USP9X: variants seen among roughly 807,000 people sequenced by gnomAD.
The protein encoded by USP9X is ubiquitin specific peptidase 9 X-linked, also known as ubiquitin carboxyl-terminal hydrolase 9X.
A neutral mutation model predicts 190.3 loss-of-function variants in USP9X; 7 were observed. That is an observed-to-expected ratio of 0.04 (90% CI 0.02 to 0.07). The LOEUF is 0.07. Among genes scored for constraint, USP9X ranks in the 10% least tolerant of loss-of-function variants. The probability of loss-of-function intolerance (pLI) is 1.00; values close to 1 mark genes in which losing one functional copy is unlikely to be tolerated. For missense variants in USP9X, 1,010 were observed against 1,916.9 expected (o/e 0.53, Z 8.83); for synonymous variants, 645 against 659.5 (o/e 0.98, Z 0.34).
intron 30 of USP9X, among the ~76,000 whole-genome samples, chrX:41,200,340 A>G (rs776095206): frequency 1.7e-4 from 19 of 111,587 alleles, no homozygotes; most frequent in African/African-American, 6.2e-4. Context: ...ACCTAATTCC[A>G]TTTTTGGCCA....
intron 44 of USP9X, among the ~76,000 whole-genome samples, chrX:41,231,113 T>G (rs2063355763): frequency 8.9e-6 from 1 of 111,958 alleles, no homozygotes; most frequent in Admixed American, 9.5e-5. Context: ...TTCTAAATGA[T>G]AACTTTTTCT....
At chrX:41,175,566 C>A (rs2062767203) in intron 21 of USP9X, among the ~76,000 whole-genome samples, 2 of 110,731 alleles carry the variant, frequency 1.8e-5, no homozygotes, top group South Asian at 7.7e-4. Context: ...ACATCCTGTA[C>A]CCTCTCTGCC....
At position 41,140,746 on chromosome X, in the gene USP9X, G is replaced by A. The variant is rs749576306; in HGVS notation, c.745G>A (p.Val249Ile). The stretch of plus-strand genomic sequence containing the variant: ...TTTTATTAATGGATCAGCATTAAAC[G>A]TTCAAATAATTGCAGCCCTTATTAA... ...DRFINGSALNVQIIAALIKPF... is the reference protein window; with the variant it reads ...DRFINGSALNIQIIAALIKPF... Residue 249 changes from valine (V) to isoleucine (I), a missense_variant, in exon 7 of 45, where the codon GTT becomes ATT. By Grantham distance (29) the Val-to-Ile change is conservative. Around this residue, in one of 11 missense-constraint regions of USP9X, gnomAD observed 176 missense variants for 247.5 expected, o/e 0.71. Transcript: ENST00000378308. 7.5e-6 allele frequency: 9 copies of A among 1,196,910 alleles called. No homozygotes were observed. Among genetic ancestry groups the A allele is most frequent in the African/African-American group, 1.8e-5 (1 of 56,548 alleles).
At position 41,167,941 on chromosome X, in the gene USP9X, G is replaced by T. The variant is rs2062691896; in HGVS notation, c.2425-66G>T. 5.2e-6 allele frequency: 5 copies of T among 965,763 alleles called. No individual in the cohort carries two copies. In the East Asian group the frequency reaches 1.6e-4, roughly 31 times the overall value. The allele number at this position is 965,763 out of a possible 1,213,427, so 79.6% of individuals were successfully genotyped here. ...AATCAGCCATTGCCATCTTTAATTGGATTAATATTTGGTTTTTACATTTTA... is the reference window on the plus strand; with the variant it reads ...AATCAGCCATTGCCATCTTTAATTGTATTAATATTTGGTTTTTACATTTTA... On this transcript the variant is annotated intron_variant, in intron 17 of 44. Coordinates refer to ENST00000378308, the MANE Select transcript of USP9X (RefSeq NM_001039591.3).
At chrX:41,095,174 A>C (rs1256382888) in intron 1 of USP9X, among the ~76,000 whole-genome samples, 1 of 112,254 alleles carries the variant, frequency 8.9e-6, no homozygotes, top group Admixed American at 9.4e-5. Context: ...CAAGGCTCTG[A>C]AGTATGGTGA....
At chrX:41,161,362 C>A (rs762042406) in intron 14 of USP9X, among the ~76,000 whole-genome samples, 2 of 53,101 alleles carry the variant, frequency 3.8e-5, no homozygotes, top group Admixed American at 3.3e-4. Flanking sequence ...TTTTTGGTGA[C>A]GGAGTCTCGT....
rs769940473 is a variant in USP9X at position 41,219,182 on chromosome X, G to A, written c.6516G>A (p.Gly2172=). Residue 2172 remains glycine (G), a synonymous_variant, in exon 38 of 45, where the codon GGG becomes GGA. Transcript: ENST00000378308. ...TGAGAAGGGAAGTTTCAGAGCATGG[G>A]CGTCATTTACAGCAGTATTTCAACC... ...NLLRREVSEH[G]RHLQQYFNLF... 4.1e-5 allele frequency: 50 copies of A among 1,209,461 alleles called. No individual in the cohort carries two copies. Among genetic ancestry groups the A allele is most frequent in the Admixed American group, 1.1e-4 (5 of 45,675 alleles).
intron 32 of USP9X, among the ~76,000 whole-genome samples, chrX:41,207,195 T>C (rs1475463327): frequency 3.8e-5 from 4 of 103,980 alleles, no homozygotes; most frequent in African/African-American, 1.4e-4. Flanking sequence ...TTCAAGCAAT[T>C]CTTCAGCCTC....
intron 17 of USP9X, 140 bp downstream of exon 17, chrX:41,167,717 CTATT>C (rs2062690352): frequency 2.2e-6 from 1 of 454,857 alleles, no homozygotes; most frequent in Non-Finnish European, 3.6e-6. Flanking sequence ...TTTAATATAA[CTATT>C]TATTAGATGT....
chrX:41,207,135 C>G (rs1602034193), intron 32 of USP9X, among the ~76,000 whole-genome samples: 1 of 80,935 alleles, frequency 1.2e-5, no homozygotes, highest in African/African-American at 5.0e-5. Flanking sequence ...GTTGCCCAGG[C>G]TGAAGTGCAA....
chrX:41,209,848 A>G (rs2063143500), intron 32 of USP9X, among the ~76,000 whole-genome samples: 3 of 112,292 alleles, frequency 2.7e-5, no homozygotes, highest in Admixed American at 9.5e-5. Flanking sequence ...TAGAACAAAT[A>G]CACTTAAATT....
At chrX:41,128,491 CA>C (rs2147003727) in intron 2 of USP9X, among the ~76,000 whole-genome samples, 1 of 111,658 alleles carries the variant, frequency 9.0e-6, no homozygotes, top group East Asian at 2.8e-4. Flanking sequence ...CACAGTAGTA[CA>C]GAGATGGCCT....
chrX:41,143,462 T>C lies in USP9X; in HGVS notation c.1314+19T>C, dbSNP rs2062439281. 8.8e-7 allele frequency: 1 copy of C among 1,141,696 alleles called. No individual in the cohort carries two copies. Among genetic ancestry groups the C allele is most frequent in the South Asian group, 2.2e-5 (1 of 44,712 alleles). 94.1% of individuals were successfully genotyped at this position (1,141,696 alleles called of 1,213,427 possible). A position where few individuals can be genotyped will look rare whatever the true frequency, so the allele number is the denominator to read the frequency against. ...AGCACAGGTAAGGAATTTAAGATGA[T>C]GGCTATTTAGTTTTTAAAATAAAGA... On this transcript the variant is annotated intron_variant, in intron 10 of 44. Coordinates refer to ENST00000378308, the MANE Select transcript of USP9X (RefSeq NM_001039591.3).
At chrX:41,219,377 C>CT (rs774171710) in intron 38 of USP9X, 146 bp downstream of exon 38, 31 of 546,913 alleles carry the variant, frequency 5.7e-5, no homozygotes, top group Non-Finnish European at 7.4e-5. Flanking sequence ...GAACATGGCA[C>CT]TTTCACCTTT....
chrX:41,184,939 C>CT (rs1385032699), intron 23 of USP9X, among the ~76,000 whole-genome samples: 1 of 112,047 alleles, frequency 8.9e-6, no homozygotes, highest in African/African-American at 3.2e-5. Flanking sequence ...ATATGAATCT[C>CT]TTATTAACTT....
At chrX:41,140,183 A>G (rs987761978) in intron 6 of USP9X, among the ~76,000 whole-genome samples, 4 of 112,011 alleles carry the variant, frequency 3.6e-5, no homozygotes, top group East Asian at 2.8e-4. Flanking sequence ...TTAATTGACA[A>G]TTGACTCTCA....
At chrX:41,151,404 A>G (rs1362081291) in intron 13 of USP9X, among the ~76,000 whole-genome samples, 1 of 112,050 alleles carries the variant, frequency 8.9e-6, no homozygotes, top group African/African-American at 3.2e-5. Flanking sequence ...ATTTAAATTG[A>G]TGAAACATGA....
rs763200729 is a variant in USP9X, at chrX:41,214,912, A to G, written c.5331+203A>G. On this transcript the variant is annotated intron_variant, in intron 34 of 44. Coordinates refer to ENST00000378308, the MANE Select transcript of USP9X (RefSeq NM_001039591.3). ...AAGTAGTGCCAAAGGGGCTAGGTAAATAAGATAAAAATAGGTAAATAAGAG... is the reference window on the plus strand; with the variant it reads ...AAGTAGTGCCAAAGGGGCTAGGTAAGTAAGATAAAAATAGGTAAATAAGAG... Among the ~76,000 whole-genome samples, 4 of 112,426 alleles carry G rather than the reference A, an allele frequency of 3.6e-5. No individual in the cohort carries two copies. The Admixed American group carries it at 3.8e-4, about 11-fold the overall frequency.
At chrX:41,220,568 TA>T (rs2147255966) in intron 38 of USP9X, among the ~76,000 whole-genome samples, 1 of 112,646 alleles carries the variant, frequency 8.9e-6, no homozygotes, top group African/African-American at 3.2e-5. Context: ...TATGAATATT[TA>T]TACTGAAGGG....
Sources: gnomAD v4.1 joint callset for allele counts (sites outside exome capture counted in the v4.1 genomes callset) on GRCh38, gnomAD v4.1.1 for gene constraint, gnomAD v4.1.1 regional missense constraint, MANE v1.5 for transcripts, NCBI Gene and HGNC (gene_info 2026-07-23, HGNC 2026-07-21) for gene names.